PBLD: variants seen among roughly 807,000 people sequenced by gnomAD.
PBLD encodes the protein phenazine biosynthesis-like domain-containing protein.
In PBLD, 26 loss-of-function variants were observed where a neutral mutation model predicts 31.3. The ratio of observed to expected loss-of-function variants is 0.83; its 90% CI spans 0.61 to 1.15. The LOEUF is 1.15. Among genes scored for constraint, PBLD ranks in the 50% most tolerant of loss-of-function variants. The pLI is 0.00. For synonymous variants in PBLD, 114 were observed against 129.0 expected (o/e 0.88, Z 0.79); for missense variants, 307 against 351.7 (o/e 0.87, Z 1.02).
intron 1 of PBLD, among the ~76,000 whole-genome samples, chr10:68,313,152 C>T (rs1389495900): frequency 6.6e-6 from 1 of 152,122 alleles, no homozygotes; most frequent in Non-Finnish European, 1.5e-5. Flanking sequence ...TGGGCTCAAG[C>T]AATCTGCCTG....
At chr10:68,311,691 G>C (rs901954710) in intron 1 of PBLD, among the ~76,000 whole-genome samples, 2 of 146,306 alleles carry the variant, frequency 1.4e-5, no homozygotes, top group Non-Finnish European at 3.0e-5. Context: ...AGCGGAGATA[G>C]CAGTGAGCCG....
intron 1 of PBLD, among the ~76,000 whole-genome samples, chr10:68,327,673 CAAAAAAAAAAAA>C (rs35759039): frequency 1.5e-5 from 1 of 68,832 alleles, no homozygotes; most frequent in Admixed American, 1.8e-4. Context: ...GACTCCACCT[CAAAAAAAAAAAA>C]AAAAAAAAAA....
At chr10:68,327,177 T>C (rs1435947983) in intron 1 of PBLD, among the ~76,000 whole-genome samples, 1 of 152,212 alleles carries the variant, frequency 6.6e-6, no homozygotes, top group Non-Finnish European at 1.5e-5. Context: ...TTTTGCCATT[T>C]ACTTTTTTGG....
chr10:68,299,296 T>G (rs2044473876), intron 2 of PBLD, among the ~76,000 whole-genome samples: 1 of 152,074 alleles, frequency 6.6e-6, no homozygotes, highest in Admixed American at 6.6e-5. Flanking sequence ...GGAAATCTAC[T>G]AGTTAGATTT....
At chr10:68,330,474 C>A (rs531274331) in intron 1 of PBLD, among the ~76,000 whole-genome samples, 2 of 152,300 alleles carry the variant, frequency 1.3e-5, no homozygotes, top group Admixed American at 1.3e-4. Flanking sequence ...ATCCACATTT[C>A]TAACATTACC....
chr10:68,332,436 G>A (rs1415073192), intron 1 of PBLD, among the ~76,000 whole-genome samples: 5 of 152,218 alleles, frequency 3.3e-5, no homozygotes, highest in African/African-American at 7.2e-5. Context: ...TTCAGTGGAC[G>A]ACGCCGAGGC....
chr10:68,307,434 C>G (rs925728404), intron 1 of PBLD, among the ~76,000 whole-genome samples: 1 of 152,072 alleles, frequency 6.6e-6, no homozygotes, highest in African/African-American at 2.4e-5. Flanking sequence ...ATACATAGAA[C>G]TTAGCAGCAT....
chr10:68,329,073 T>A (rs2044971445), intron 1 of PBLD, among the ~76,000 whole-genome samples: 1 of 152,156 alleles, frequency 6.6e-6, no homozygotes, highest in Admixed American at 6.5e-5. Context: ...GAGACAGAGT[T>A]TCCCTATGTT....
intron 1 of PBLD, chr10:68,331,071 A>C (rs2045060943): frequency 6.6e-6 from 1 of 152,004 alleles, no homozygotes; most frequent in South Asian, 2.1e-4. Context: ...ACAGCACCTC[A>C]CTATGTTGCC....
At chr10:68,327,419 C>G (rs1169585325) in intron 1 of PBLD, among the ~76,000 whole-genome samples, 1 of 151,674 alleles carries the variant, frequency 6.6e-6, no homozygotes, top group Non-Finnish European at 1.5e-5. Flanking sequence ...GTGGCTCACG[C>G]CTGTAATCCC....
At chr10:68,296,797 A>C in intron 3 of PBLD, 89 bp downstream of exon 3, 2 of 1,139,828 alleles carry the variant, frequency 1.8e-6, no homozygotes, top group Non-Finnish European at 2.6e-6. Flanking sequence ...TGAACGCAGG[A>C]GGCGGAGGTT....
At chr10:68,319,099 G>GGAA (rs2044788946) in intron 1 of PBLD, among the ~76,000 whole-genome samples, 1 of 125,324 alleles carries the variant, frequency 8.0e-6, no homozygotes, top group Non-Finnish European at 1.6e-5. Context: ...AAGAAAGAAA[G>GGAA]AAAGAAAGAA....
At chr10:68,329,823 A>C (rs2044985199) in intron 1 of PBLD, among the ~76,000 whole-genome samples, 1 of 152,172 alleles carries the variant, frequency 6.6e-6, no homozygotes, top group African/African-American at 2.4e-5. Context: ...GTTATAGATA[A>C]GTTATTTGTA....
At chr10:68,320,215 G>A (rs945074959) in intron 1 of PBLD, among the ~76,000 whole-genome samples, 4 of 152,258 alleles carry the variant, frequency 2.6e-5, no homozygotes, top group African/African-American at 9.6e-5. Flanking sequence ...AAGAGAGCTG[G>A]AGCAGCTATA....
intron 8 of PBLD, among the ~76,000 whole-genome samples, chr10:68,286,082 ATTC>A (rs1428623103): frequency 8.0e-4 from 51 of 63,692 alleles, no homozygotes; most frequent in African/African-American, 2.2e-3. Context: ...CCTTTGAATA[ATTC>A]TTTTTTTTTT....
chr10:68,323,249 C>A lies in PBLD; in HGVS notation c.-60+9535G>T, dbSNP rs192847004. ...TTGAGATAACTGAAGCTCCAGCTGA[C>A]ATTTTAATTATACCCTTATAAGAGA... On this transcript the variant is annotated intron_variant, in intron 1 of 9. Transcript: ENST00000358769. 1.8e-3 allele frequency among the ~76,000 whole-genome samples: 275 copies of A among 151,914 alleles called. 1 individual carries two copies. The highest frequency in any genetic ancestry group is 6.4e-3 in the African/African-American group (266 of 41,450).
At chr10:68,299,720 G>C (rs572843817) in intron 2 of PBLD, among the ~76,000 whole-genome samples, 34 of 152,118 alleles carry the variant, frequency 2.2e-4, no homozygotes, top group Non-Finnish European at 4.1e-4. Context: ...GCCAGGAGTG[G>C]TGGTGCGCGC....
chr10:68,301,725 T>G (rs2044508529), intron 2 of PBLD, among the ~76,000 whole-genome samples: 1 of 152,200 alleles, frequency 6.6e-6, no homozygotes, highest in African/African-American at 2.4e-5. Context: ...TATTAAAACA[T>G]CCTACATTGT....
At chr10:68,290,447 G>C (rs1461312151) in intron 6 of PBLD, among the ~76,000 whole-genome samples, 1 of 152,174 alleles carries the variant, frequency 6.6e-6, no homozygotes, top group Non-Finnish European at 1.5e-5. Flanking sequence ...GGTGGGCGCG[G>C]TGGCTCACAC....
Sources: allele counts gnomAD v4.1 joint callset (sites outside exome capture counted in the v4.1 genomes callset), GRCh38; gene constraint gnomAD v4.1.1; transcripts MANE v1.5; gene names NCBI Gene and HGNC (gene_info 2026-07-23, HGNC 2026-07-21).